DSC2: variants seen among roughly 807,000 people sequenced by gnomAD.
The protein encoded by DSC2 is desmocollin 2, also known as desmocollin-2.
In DSC2, 51 loss-of-function variants were observed where a neutral mutation model predicts 87.6. The ratio of observed to expected loss-of-function variants is 0.58; its 90% CI spans 0.46 to 0.74. The LOEUF (loss-of-function observed/expected upper bound fraction) is 0.74. DSC2 is among the 30% of genes least tolerant of loss of function. The probability of loss-of-function intolerance (pLI) is 0.00; values close to 1 mark genes in which losing one functional copy is unlikely to be tolerated. For missense variants in DSC2, 1,066 were observed against 1,089.5 expected (o/e 0.98, Z 0.30); for synonymous variants, 383 against 393.2 (o/e 0.97, Z 0.31).
intron 7 of DSC2, among the ~76,000 whole-genome samples, chr18:31,085,801 G>A (rs1402801521): frequency 6.6e-6 from 1 of 151,998 alleles, no homozygotes; most frequent in East Asian, 1.9e-4. Context: ...AGTAAATAAG[G>A]ACACAGAAAC....
intron 12 of DSC2, among the ~76,000 whole-genome samples, chr18:31,074,420 AATGTGTGTGTGTG>A (rs1986935146): frequency 1.8e-5 from 2 of 108,554 alleles, no homozygotes; most frequent in African/African-American, 3.7e-5. Flanking sequence ...AAAGAGAAAA[AATGTGTGTGTGTG>A]TGTGTGTGTG....
intron 6 of DSC2, among the ~76,000 whole-genome samples, 187 bp from the exon 7 acceptor site, chr18:31,086,929 G>C (rs1327627862): frequency 6.6e-6 from 1 of 152,016 alleles, no homozygotes; most frequent in Non-Finnish European, 1.5e-5. Flanking sequence ...TGGCATACTA[G>C]CATTTTCGAA....
chr18:31,074,421 ATGTGTGTGTGTGTGTGTGTGTGTG>A (rs71175757), intron 12 of DSC2, among the ~76,000 whole-genome samples: 9 of 139,940 alleles, frequency 6.4e-5, no homozygotes, highest in African/African-American at 1.1e-4. Context: ...AAGAGAAAAA[ATGTGTGTGTGTGTGTGTGTGTGTG>A]TGTGTGTGTG....
At chr18:31,081,080 T>C (rs1285832755) in intron 9 of DSC2, among the ~76,000 whole-genome samples, 1 of 152,198 alleles carries the variant, frequency 6.6e-6, no homozygotes, top group East Asian at 1.9e-4. Context: ...ATTCATACTA[T>C]AAACAATAGT....
chr18:31,098,865 G>C (rs1284047867), intron 1 of DSC2, among the ~76,000 whole-genome samples: 1 of 152,138 alleles, frequency 6.6e-6, no homozygotes, highest in African/African-American at 2.4e-5. Context: ...GACATTATTT[G>C]TAATAGCAGA....
intron 9 of DSC2, among the ~76,000 whole-genome samples, chr18:31,081,424 C>T (rs989198425): frequency 1.2e-4 from 18 of 152,082 alleles, no homozygotes; most frequent in Admixed American, 7.9e-4. Flanking sequence ...AAATTTCCTT[C>T]TGAGAATACC....
At position 31,063,616 on chromosome 18, in the gene DSC2, G is replaced by A. The variant is rs1465567001; in HGVS notation, c.*4399C>T. On this transcript the variant is annotated 3_prime_UTR_variant, in exon 16 of 16. Transcript: ENST00000280904. ...ACAAATTGAAAAATGAAGGATACAA[G>A]GAGATTGGGGAAATTAGTACAGAAG... 3 of 152,144 alleles carry A rather than the reference G, an allele frequency of 2.0e-5. No individual in the cohort carries two copies. The highest frequency in any genetic ancestry group is 2.9e-5 in the Non-Finnish European group (2 of 68,036). The allele number at this position is 152,144 out of a possible 1,614,324, so 9.4% of individuals were successfully genotyped here.
chr18:31,072,261 C>T (rs970030419), intron 12 of DSC2, among the ~76,000 whole-genome samples: 1 of 152,174 alleles, frequency 6.6e-6, no homozygotes, highest in Non-Finnish European at 1.5e-5. Flanking sequence ...TCCTTTACTT[C>T]ATTTTCAAAA....
chr18:31,079,029 C>T (rs768148833), intron 11 of DSC2, among the ~76,000 whole-genome samples: 2 of 151,816 alleles, frequency 1.3e-5, no homozygotes, highest in Admixed American at 6.6e-5. Flanking sequence ...CATAAATATA[C>T]CATGATTTAT....
At chr18:31,082,702 T>C (rs1319283685) in intron 8 of DSC2, among the ~76,000 whole-genome samples, 1 of 152,052 alleles carries the variant, frequency 6.6e-6, no homozygotes, top group Non-Finnish European at 1.5e-5. Context: ...GGATTACAGG[T>C]GCCTGTCACC....
intron 15 of DSC2, chr18:31,068,435 G>C: frequency 7.5e-7 from 1 of 1,325,632 alleles, no homozygotes; most frequent in South Asian, 1.2e-5. Context: ...GCATGTGGCA[G>C]CAAGTATACA....
rs549251334 is a variant in DSC2, at chr18:31,069,116, G to T, written c.2286C>A (p.Gly762=). Residue 762 remains glycine (G), a synonymous_variant, in exon 15 of 16, where the codon GGC becomes GGA. Transcript: ENST00000280904. The part of the protein sequence containing the change: ...SANGFTTQTV[G]ASAQGVCGTV... The stretch of plus-strand genomic sequence containing the variant: ...TGCCACAAACTCCCTGAGCAGAAGC[G>T]CCCACAGTTTGGGTTGTGAAGCCAT... 1.9e-6 allele frequency: 3 copies of T among 1,613,934 alleles called. No homozygotes were observed. The East Asian group carries it at 6.7e-5, about 36-fold the overall frequency.
chr18:31,068,342 T>G, intron 15 of DSC2, 130 bp from the exon 16 acceptor site: 1 of 1,612,612 alleles, frequency 6.2e-7, no homozygotes, highest in Non-Finnish European at 8.5e-7. Context: ...CTCTAATGGA[T>G]TCCTATACAT....
chr18:31,101,099 T>C lies in DSC2; in HGVS notation c.69+804A>G, dbSNP rs7241780. On this transcript the variant is annotated intron_variant, in intron 1 of 15. Coordinates refer to ENST00000280904, the MANE Select transcript of DSC2 (RefSeq NM_024422.6). ...GGGCGGTGGCGCGGGGGGCGGGTGGTGAGCAGAAAAATCGAGTCGCCTCTG... is the reference window on the plus strand; with the variant it reads ...GGGCGGTGGCGCGGGGGGCGGGTGGCGAGCAGAAAAATCGAGTCGCCTCTG... 3.3e-3 allele frequency: 2,592 copies of C among 774,042 alleles called. 53 individuals carry two copies. In the African/African-American group the frequency reaches 0.04, roughly 12 times the overall value. 47.9% of individuals were successfully genotyped at this position (774,042 alleles called of 1,614,324 possible). A position where few individuals can be genotyped will look rare whatever the true frequency, so the allele number is the denominator to read the frequency against.
At chr18:31,101,426 C>T (rs1051954750) in intron 1 of DSC2, among the ~76,000 whole-genome samples, 28 of 142,178 alleles carry the variant, frequency 2.0e-4, no homozygotes, top group African/African-American at 7.3e-4. Context: ...GCACAGGGAG[C>T]CGCACGTTCC....
intron 5 of DSC2, 54 bp downstream of exon 5, chr18:31,089,385 C>T (rs951072492): frequency 1.2e-6 from 2 of 1,606,058 alleles, no homozygotes; most frequent in African/African-American, 2.7e-5. Context: ...AAATGAGAGA[C>T]AAAATGGCCA....
intron 12 of DSC2, among the ~76,000 whole-genome samples, chr18:31,073,934 G>T (rs1313073155): frequency 6.6e-6 from 1 of 152,234 alleles, no homozygotes; most frequent in Non-Finnish European, 1.5e-5. Flanking sequence ...GAGAGATAAC[G>T]TGGTGGACAC....
chr18:31,069,976 C>T (rs758631159), intron 14 of DSC2, among the ~76,000 whole-genome samples: 7 of 152,128 alleles, frequency 4.6e-5, no homozygotes, highest in African/African-American at 7.2e-5. Context: ...CAACATTAAA[C>T]CCTTGCCATC....
At position 31,071,844 on chromosome 18, in the gene DSC2, G is replaced by A. The variant is rs201541042; in HGVS notation, c.1889-3C>T. 6.2e-7 allele frequency: 1 copy of A among 1,608,044 alleles called. No homozygotes were observed. The highest frequency in any genetic ancestry group is 8.5e-7 in the Non-Finnish European group (1 of 1,175,102). On this transcript the variant is annotated splice_polypyrimidine_tract_variant and splice_region_variant and intron_variant, in intron 12 of 15. Coordinates refer to ENST00000280904, the MANE Select transcript of DSC2 (RefSeq NM_024422.6). Reference sequence around the variant, plus strand: ...ATAGGAAAGACGTGCTGCTGTATCTGAAAATATAAATAAATAAAACCAAAC... The same window carrying A: ...ATAGGAAAGACGTGCTGCTGTATCTAAAAATATAAATAAATAAAACCAAAC...
Sources: gnomAD v4.1 joint callset for allele counts (sites outside exome capture counted in the v4.1 genomes callset) on GRCh38, gnomAD v4.1.1 for gene constraint, MANE v1.5 for transcripts, NCBI Gene and HGNC (gene_info 2026-07-23, HGNC 2026-07-21) for gene names.